Variants in PARD3B observed in about 807,000 individuals in gnomAD.
PARD3B encodes par-3 family cell polarity regulator beta, also known as partitioning defective 3 homolog B.
In PARD3B, 103 loss-of-function variants were observed where a neutral mutation model predicts 130.2. The ratio of observed to expected loss-of-function variants is 0.79; its 90% CI spans 0.67 to 0.93. The LOEUF (loss-of-function observed/expected upper bound fraction) is 0.93. Ranked by LOEUF, PARD3B falls within the 40% of genes least tolerant of loss-of-function variation. The pLI is 0.00. For synonymous variants in PARD3B, 583 were observed against 553.2 expected, an observed-to-expected ratio of 1.05 and a Z score of -0.76; for missense variants, 1,609 against 1,499.2, an observed-to-expected ratio of 1.07 and a Z score of -1.21.
At chr2:205,059,631 T>C (rs1011325023) in intron 4 of PARD3B, among the ~76,000 whole-genome samples, 1 of 152,068 alleles carries the variant, frequency 6.6e-6, no homozygotes, top group Non-Finnish European at 1.5e-5. Flanking sequence ...ATATGTCTCC[T>C]TTATGAATCT....
At chr2:204,969,993 G>GT (rs1559311771) in intron 3 of PARD3B, among the ~76,000 whole-genome samples, 1 of 151,728 alleles carries the variant, frequency 6.6e-6, no homozygotes, top group African/African-American at 2.4e-5. Context: ...ATAGATGTGG[G>GT]GTTTTTTTTA....
intron 2 of PARD3B, among the ~76,000 whole-genome samples, chr2:204,740,951 T>C (rs2039981752): frequency 6.6e-6 from 1 of 152,202 alleles, no homozygotes; most frequent in Admixed American, 6.5e-5. Context: ...GAAAAAGCAA[T>C]GATGACTTCT....
intron 16 of PARD3B, among the ~76,000 whole-genome samples, chr2:205,246,037 A>G (rs1308749557): frequency 6.6e-6 from 1 of 152,210 alleles, no homozygotes; most frequent in Non-Finnish European, 1.5e-5. Flanking sequence ...AGGAAAGAAT[A>G]AAGATTTCCA....
rs1049642869 is a variant in PARD3B at position 205,011,618 on chromosome 2, C to T, written c.395-35963C>T. Among the ~76,000 whole-genome samples, 2 of 152,106 alleles carry T rather than the reference C, an allele frequency of 1.3e-5. No homozygotes were observed. The highest frequency in any genetic ancestry group is 4.8e-5 in the African/African-American group (2 of 41,426). On this transcript the variant is annotated intron_variant, in intron 3 of 22. Transcript: ENST00000406610. This position sits in a 1 kb window ranked among gnomAD's most constrained non-coding sequence, Gnocchi z 4.1. Reference sequence around the variant, plus strand: ...CAGGCAGTGGGGCTTGCTAGGTGGCCGTCTTGGAGACAGGCTGCCATGGAC... The same window carrying T: ...CAGGCAGTGGGGCTTGCTAGGTGGCTGTCTTGGAGACAGGCTGCCATGGAC...
chr2:205,610,136 T>C (rs1259110410), intron 22 of PARD3B, among the ~76,000 whole-genome samples: 2 of 152,222 alleles, frequency 1.3e-5, no homozygotes, highest in Non-Finnish European at 2.9e-5. Flanking sequence ...TAATTCTGGA[T>C]TCTGCCTCTC....
At chr2:205,251,099 A>G (rs1197806891) in intron 16 of PARD3B, among the ~76,000 whole-genome samples, 1 of 152,196 alleles carries the variant, frequency 6.6e-6, no homozygotes, top group Non-Finnish European at 1.5e-5. Flanking sequence ...ACACACACAT[A>G]TCAAGCTATC....
At position 205,283,340 on chromosome 2, in the gene PARD3B, G is replaced by A. The variant is rs192100967; in HGVS notation, c.2186-17190G>A. Among the ~76,000 whole-genome samples, 1,104 of 152,304 alleles carry A rather than the reference G, an allele frequency of 7.2e-3. 14 individuals carry two copies. Among genetic ancestry groups the A allele is most frequent in the African/African-American group, 0.025 (1,029 of 41,562 alleles). On this transcript the variant is annotated intron_variant, in intron 16 of 22. Coordinates refer to ENST00000406610, the MANE Select transcript of PARD3B (RefSeq NM_001302769.2). Reference sequence around the variant, plus strand: ...ACTGTGTCTCCCAGGCTGGAGTGCAGTGGTGCAAACATGGCTCAACTGCAG... The same window carrying A: ...ACTGTGTCTCCCAGGCTGGAGTGCAATGGTGCAAACATGGCTCAACTGCAG...
intron 2 of PARD3B, among the ~76,000 whole-genome samples, chr2:204,848,862 A>T (rs905243920): frequency 1.3e-5 from 2 of 152,030 alleles, no homozygotes; most frequent in Non-Finnish European, 2.9e-5. Flanking sequence ...GTAAAATTTT[A>T]TTTGACTTTG....
chr2:204,920,592 A>G (rs1351795063), intron 2 of PARD3B, among the ~76,000 whole-genome samples: 1 of 152,152 alleles, frequency 6.6e-6, no homozygotes, highest in African/African-American at 2.4e-5. Context: ...TATTTGATTA[A>G]ATGTAAGGCC....
intron 2 of PARD3B, among the ~76,000 whole-genome samples, chr2:204,712,398 A>G (rs2038488635): frequency 6.6e-6 from 1 of 151,952 alleles, no homozygotes; most frequent in South Asian, 2.1e-4. Flanking sequence ...GGATCACAAG[A>G]TTAGGAGTTT....
chr2:205,113,971 ATTC>A, intron 6 of PARD3B, among the ~76,000 whole-genome samples: 1 of 152,282 alleles, frequency 6.6e-6, no homozygotes, highest in South Asian at 2.1e-4. Context: ...ATATCCTGTT[ATTC>A]TTCAAGTATG....
At chr2:205,523,337 C>A (rs763830107) in intron 21 of PARD3B, among the ~76,000 whole-genome samples, 2 of 151,128 alleles carry the variant, frequency 1.3e-5, no homozygotes, top group Non-Finnish European at 2.9e-5. Flanking sequence ...CTCCGCCTCC[C>A]AGGTTCTAGC....
At chr2:205,278,210 G>C (rs982328628) in intron 16 of PARD3B, among the ~76,000 whole-genome samples, 4 of 152,138 alleles carry the variant, frequency 2.6e-5, no homozygotes, top group African/African-American at 7.2e-5. Context: ...CATATGGCAG[G>C]GGGTACAGAG....
chr2:204,981,059 G>A (rs570344653), intron 3 of PARD3B, among the ~76,000 whole-genome samples: 1 of 152,160 alleles, frequency 6.6e-6, no homozygotes, highest in African/African-American at 2.4e-5. Context: ...GTTAATACAA[G>A]GCCACTATAA....
At chr2:205,257,160 C>T (rs537662431) in intron 16 of PARD3B, among the ~76,000 whole-genome samples, 316 of 152,138 alleles carry the variant, frequency 2.1e-3, no homozygotes, top group African/African-American at 7.1e-3. Context: ...CTTAAAGGAA[C>T]CTAGATTACT....
At chr2:205,137,088 T>C (rs2125661649) in intron 10 of PARD3B, among the ~76,000 whole-genome samples, 1 of 152,238 alleles carries the variant, frequency 6.6e-6, no homozygotes, top group African/African-American at 2.4e-5. Flanking sequence ...TACCTGTCAG[T>C]AGGGAAAGCT....
At chr2:205,130,150 C>T (rs956163868) in intron 10 of PARD3B, among the ~76,000 whole-genome samples, 3 of 152,204 alleles carry the variant, frequency 2.0e-5, no homozygotes, top group Non-Finnish European at 4.4e-5. Context: ...TTGGTGTCCT[C>T]ACCCCCTGAC....
At chr2:204,777,467 C>G (rs1314116683) in intron 2 of PARD3B, among the ~76,000 whole-genome samples, 1 of 152,132 alleles carries the variant, frequency 6.6e-6, no homozygotes, top group Non-Finnish European at 1.5e-5. Flanking sequence ...GTGTTATTCT[C>G]TACTCTTAGA....
chr2:205,127,068 G>A (rs2031512087), intron 10 of PARD3B, among the ~76,000 whole-genome samples: 1 of 151,932 alleles, frequency 6.6e-6, no homozygotes, highest in Non-Finnish European at 1.5e-5. Flanking sequence ...GGGAGGCCGA[G>A]GCAGGTGGAT....
Sources: gnomAD v4.1 joint callset for allele counts (sites outside exome capture counted in the v4.1 genomes callset) on GRCh38, gnomAD v4.1.1 for gene constraint, Gnocchi (gnomAD v3.1) non-coding constraint, MANE v1.5 for transcripts, NCBI Gene and HGNC (gene_info 2026-07-23, HGNC 2026-07-21) for gene names.